Variants in CLSTN3 observed in about 807,000 individuals in gnomAD.
CLSTN3 encodes calsyntenin-3.
Under a neutral mutation model 95.9 loss-of-function variants are expected in CLSTN3, and 36 were observed. That is an observed-to-expected ratio of 0.38 (90% CI 0.29 to 0.50). The LOEUF is 0.50. Ranked by LOEUF, CLSTN3 falls within the 20% of genes least tolerant of loss-of-function variation. The pLI is 0.95. For synonymous variants in CLSTN3, 481 were observed against 504.0 expected, an observed-to-expected ratio of 0.95 and a Z score of 0.61; for missense variants, 1,084 against 1,268.8, an observed-to-expected ratio of 0.85 and a Z score of 2.21.
At chr12:7,152,916 A>T (rs1283484224) in intron 16 of CLSTN3, among the ~76,000 whole-genome samples, 1 of 152,064 alleles carries the variant, frequency 6.6e-6, no homozygotes, top group African/African-American at 2.4e-5. Flanking sequence ...TTCTCCCCAG[A>T]TGTTTGATGC....
intron 12 of CLSTN3, among the ~76,000 whole-genome samples, chr12:7,145,461 G>A (rs1939608631): frequency 6.6e-6 from 1 of 151,820 alleles, no homozygotes; most frequent in South Asian, 2.1e-4. Flanking sequence ...CTGTCCCTGT[G>A]GCTTTCATAG....
At chr12:7,156,535 C>A (rs1269405137) in intron 16 of CLSTN3, 1 of 456,844 alleles carries the variant, frequency 2.2e-6, no homozygotes. Context: ...TTCCTTTACT[C>A]CCGCAGTGTG....
At chr12:7,144,854 G>A (rs1489840284) in intron 12 of CLSTN3, among the ~76,000 whole-genome samples, 2 of 152,178 alleles carry the variant, frequency 1.3e-5, no homozygotes, top group Non-Finnish European at 2.9e-5. Context: ...TGTGGCTTTT[G>A]GGAATTTGCT....
rs1939686160 is a variant in CLSTN3, at chr12:7,149,514, C to G, written c.2075-9C>G. On this transcript the variant is annotated splice_polypyrimidine_tract_variant and intron_variant, in intron 13 of 17. Transcript: ENST00000266546. The surrounding 1 kb of genome is among the most constrained non-coding windows in gnomAD (Gnocchi z 4.5). ...GGCTCTGACCCAGACCCTACTATCC[C>G]CAACCCAGTGACAGACACACGCATG... 1 of 1,606,410 alleles carries G rather than the reference C, an allele frequency of 6.2e-7. No individual in the cohort carries two copies. Among genetic ancestry groups the G allele is most frequent in the African/African-American group, 1.3e-5 (1 of 74,860 alleles).
In CLSTN3 at chr12:7,137,357, CTG is replaced by C; in HGVS notation, c.1210+251_1210+252del. The C allele has an allele frequency of 2.0e-6, 1 of 510,346 alleles. No individual in the cohort carries two copies. The highest frequency in any genetic ancestry group is 3.6e-6 in the Non-Finnish European group (1 of 281,654). 31.6% of individuals were successfully genotyped at this position (510,346 alleles called of 1,614,324 possible). A position where few individuals can be genotyped will look rare whatever the true frequency, so the allele number is the denominator to read the frequency against. On this transcript the variant is annotated intron_variant, in intron 7 of 17. Transcript: ENST00000266546. This position sits in a 1 kb window ranked among gnomAD's most constrained non-coding sequence, Gnocchi z 4.4. ...GTTTTCAGTTGCCCAGTCAACTTCT[CTG>C]TGTCCCACCATGTGGTAGGCTGTCC...
upstream of CLSTN3, chr12:7,130,314 C>CCCG (rs1320356745): frequency 7.8e-6 from 7 of 898,696 alleles, no homozygotes; most frequent in African/African-American, 2.2e-4. Context: ...CCCCCCCCCT[C>CCCG]CCAGTCACCT....
Position 7,149,304 on chromosome 12 carries a change from G to C in CLSTN3, c.2074+106G>C. The C allele has an allele frequency of 9.3e-7, 1 of 1,070,542 alleles. No homozygotes were observed. Among genetic ancestry groups the C allele is most frequent in the South Asian group, 1.5e-5 (1 of 68,256 alleles). 66.3% of individuals were successfully genotyped at this position (1,070,542 alleles called of 1,614,324 possible). A position where few individuals can be genotyped will look rare whatever the true frequency, so the allele number is the denominator to read the frequency against. On this transcript the variant is annotated intron_variant, in intron 13 of 17. Coordinates refer to ENST00000266546, the MANE Select transcript of CLSTN3 (RefSeq NM_014718.4). This position sits in a 1 kb window ranked among gnomAD's most constrained non-coding sequence, Gnocchi z 4.5. ...TGGAAGCAGAAAGCGACTCCATCCT[G>C]TGTTTGTTTGACTGAACAACTTACC...
chr12:7,154,218 G>A (rs1022457977), intron 16 of CLSTN3, among the ~76,000 whole-genome samples: 3 of 152,146 alleles, frequency 2.0e-5, no homozygotes, highest in Admixed American at 6.5e-5. Flanking sequence ...TACAAATCTC[G>A]AGTGGTGTTG....
chr12:7,137,795 T>TGTGAGAGAGAGAGAGAGA lies in CLSTN3; in HGVS notation c.1211-159_1211-158insTGAGAGAGAGAGAGAGAG, dbSNP rs768487238. 1.4e-5 allele frequency among the ~76,000 whole-genome samples: 1 copy of TGTGAGAGAGAGAGAGAGA among 70,608 alleles called. No homozygotes were observed. Among genetic ancestry groups the TGTGAGAGAGAGAGAGAGA allele is most frequent in the African/African-American group, 5.2e-5 (1 of 19,394 alleles). The allele number at this position is 70,608 out of a possible 152,430, so 46.3% of individuals were successfully genotyped here. A position where few individuals can be genotyped will look rare whatever the true frequency, so the allele number is the denominator to read the frequency against. Reference sequence around the variant, plus strand: ...GTGTGTGTGTGTGTGTGTGTGTGTGTGAGAGAGAGAGAGAGAGAGAGAGAG... The same window carrying TGTGAGAGAGAGAGAGAGA: ...GTGTGTGTGTGTGTGTGTGTGTGTGTGTGAGAGAGAGAGAGAGAGAGAGAGAGAGAGAGAGAGAGAGAG... On this transcript the variant is annotated intron_variant, in intron 7 of 17. Coordinates refer to ENST00000266546, the MANE Select transcript of CLSTN3 (RefSeq NM_014718.4). The surrounding 1 kb of genome is among the most constrained non-coding windows in gnomAD (Gnocchi z 4.4).
Position 7,135,500 on chromosome 12 carries a change from T to A in CLSTN3, c.557T>A (p.Leu186His). Reference sequence around the variant, plus strand: ...AGCCAGATCTGCTACTATGAGATTCTCACACCCAACACCCCTTTCCTCATT... The same window carrying A: ...AGCCAGATCTGCTACTATGAGATTCACACACCCAACACCCCTTTCCTCATT... ...QYSQICYYEILTPNTPFLIDN... is the reference protein window; with the variant it reads ...QYSQICYYEIHTPNTPFLIDN... The change falls in exon 4 of 18, where the codon CTC (leucine) becomes CAC (histidine). Residue 186 changes from leucine (L) to histidine (H), a missense_variant. Leu to His is a moderately conservative substitution (Grantham distance 99, BLOSUM62 -3). Transcript: ENST00000266546. The A allele has an allele frequency of 1.2e-6, 2 of 1,614,146 alleles. No individual in the cohort carries two copies. Among genetic ancestry groups the A allele is most frequent in the Non-Finnish European group, 1.7e-6 (2 of 1,180,016 alleles).
Position 7,149,107 on chromosome 12 carries a change from C to A in CLSTN3, c.1983C>A (p.Thr661=), listed in dbSNP as rs1044033611. ...FARPAVDFEG[T]NGVPLFPDLQ... ...GCCCAGCTGTGGACTTTGAGGGAACCAACGGCGTCCCTTTGTTCCCTGATC... is the reference window on the plus strand; with the variant it reads ...GCCCAGCTGTGGACTTTGAGGGAACAAACGGCGTCCCTTTGTTCCCTGATC... Residue 661 remains threonine, a synonymous_variant, in exon 13 of 18, where the codon ACC becomes ACA. Coordinates refer to ENST00000266546, the MANE Select transcript of CLSTN3 (RefSeq NM_014718.4). This position sits in a 1 kb window ranked among gnomAD's most constrained non-coding sequence, Gnocchi z 4.5. 2.5e-6 allele frequency: 4 copies of A among 1,614,074 alleles called. No homozygotes were observed. The East Asian group carries it at 6.7e-5, about 27-fold the overall frequency.
chr12:7,156,080 G>A, intron 16 of CLSTN3: 1 of 358,542 alleles, frequency 2.8e-6, no homozygotes, highest in Admixed American at 3.8e-5. Flanking sequence ...TTTTTCTAGG[G>A]GCTTGCTTGT....
In CLSTN3 at chr12:7,157,987, A is replaced by C; in HGVS notation, c.2777A>C (p.Gln926Pro). The C allele has an allele frequency of 6.4e-7, 1 of 1,551,332 alleles. No individual in the cohort carries two copies. Among genetic ancestry groups the C allele is most frequent in the Non-Finnish European group, 8.7e-7 (1 of 1,146,940 alleles). The change falls in exon 18 of 18, where the codon CAG (glutamine) becomes CCG (proline). Residue 926 changes from glutamine (Q) to proline (P), a missense_variant. Coordinates refer to ENST00000266546, the MANE Select transcript of CLSTN3 (RefSeq NM_014718.4). This position sits in a 1 kb window ranked among gnomAD's most constrained non-coding sequence, Gnocchi z 5.9. Reference protein sequence around the residue: ...QSCVTGAVGGQQEDEDSSDSE... With the variant: ...QSCVTGAVGGPQEDEDSSDSE... ...TGTGTGACGGGGGCTGTTGGGGGCC[A>C]GCAGGAGGATGAGGACAGCAGTGAC... is the stretch of plus-strand genomic sequence containing the variant.
In CLSTN3 at chr12:7,149,587, G is replaced by T. The variant is rs750732055; in HGVS notation, c.2139G>T (p.Val713=). 2.5e-5 allele frequency: 40 copies of T among 1,614,060 alleles called. No homozygotes were observed. Among genetic ancestry groups the T allele is most frequent in the Admixed American group, 6.7e-5 (4 of 60,014 alleles). ...TGGATGGCTGTGAAATTTCTCTGGT[G>T]GGGGATGACCTGGATCCCGAGCGGG... is the stretch of plus-strand genomic sequence containing the variant. The part of the protein sequence containing the change: ...HNLDGCEISL[V]GDDLDPERES... The change falls in exon 14 of 18, where the codon GTG becomes GTT. Residue 713 remains valine, a synonymous_variant. Coordinates refer to ENST00000266546, the MANE Select transcript of CLSTN3 (RefSeq NM_014718.4). The surrounding 1 kb of genome is among the most constrained non-coding windows in gnomAD (Gnocchi z 4.5).
At chr12:7,148,572 C>T (rs768364990) in intron 12 of CLSTN3, among the ~76,000 whole-genome samples, 13 of 152,352 alleles carry the variant, frequency 8.5e-5, no homozygotes, top group African/African-American at 3.1e-4. Flanking sequence ...GGATAGTATA[C>T]TGAGTCCATG....
rs1222744097 is a variant in CLSTN3, at chr12:7,130,927, C to T, written c.64+215C>T. The stretch of plus-strand genomic sequence containing the variant: ...CCTTTCTGGTCCATCTCTACCCATG[C>T]GTTTCTCTTGCTGGTCATCTTGCTC... On this transcript the variant is annotated intron_variant, in intron 1 of 17. Coordinates refer to ENST00000266546, the MANE Select transcript of CLSTN3 (RefSeq NM_014718.4). 3 of 607,828 alleles carry T rather than the reference C, an allele frequency of 4.9e-6. No homozygotes were observed. In the East Asian group the frequency reaches 8.3e-5, roughly 17 times the overall value. 37.7% of individuals were successfully genotyped at this position (607,828 alleles called of 1,614,324 possible).
intron 5 of CLSTN3, 21 bp downstream of exon 5, chr12:7,135,974 C>T: frequency 6.3e-7 from 1 of 1,576,470 alleles, no homozygotes; most frequent in Non-Finnish European, 8.6e-7. Flanking sequence ...AGCGCTGTGC[C>T]CCATCTTGTG....
chr12:7,146,501 C>A (rs1463832284), intron 12 of CLSTN3, among the ~76,000 whole-genome samples: 1 of 152,158 alleles, frequency 6.6e-6, no homozygotes, highest in African/African-American at 2.4e-5. Context: ...TTCCTCTACT[C>A]CCCTTAGTAA....
At chr12:7,132,826 A>G (rs1051218945) in intron 1 of CLSTN3, 198 bp from the exon 2 acceptor site, 5 of 673,996 alleles carry the variant, frequency 7.4e-6, no homozygotes, top group Admixed American at 6.5e-5. Flanking sequence ...GGAGAAGGCT[A>G]TGACCTCCCG....
Sources: gnomAD v4.1 joint callset for allele counts (sites outside exome capture counted in the v4.1 genomes callset) on GRCh38, gnomAD v4.1.1 for gene constraint, Gnocchi (gnomAD v3.1) non-coding constraint, MANE v1.5 for transcripts, NCBI Gene and HGNC (gene_info 2026-07-23, HGNC 2026-07-21) for gene names.